Variants in PTPRS observed in about 807,000 individuals in gnomAD.
The protein encoded by PTPRS is receptor-type tyrosine-protein phosphatase S.
Under a neutral mutation model 215.3 loss-of-function variants are expected in PTPRS, and 63 were observed. The ratio of observed to expected loss-of-function variants is 0.29; its 90% CI spans 0.24 to 0.36. PTPRS has a LOEUF of 0.36. PTPRS is among the 10% of genes least tolerant of loss of function. The probability of loss-of-function intolerance (pLI) is 1.00; values close to 1 mark genes in which losing one functional copy is unlikely to be tolerated. For synonymous variants in PTPRS, 1,404 were observed against 1,191.4 expected (o/e 1.18, Z -3.68); for missense variants, 2,258 against 2,825.8 (o/e 0.80, Z 4.56).
At chr19:5,215,755 C>G (rs1345178903) in intron 26 of PTPRS, among the ~76,000 whole-genome samples, 160 bp from the exon 27 acceptor site, 1 of 152,038 alleles carries the variant, frequency 6.6e-6, no homozygotes, top group Non-Finnish European at 1.5e-5. Context: ...CTCAGGGTGG[C>G]TCATGAAGGG....
chr19:5,338,924 G>A lies in PTPRS; in HGVS notation c.-95+1740C>T, dbSNP rs2050595084. ...CTGCACCCCAAGGACAGCAGCGATAGGGGGCCACCCAGAGGAGGCCAGAAT... is the reference window on the plus strand; with the variant it reads ...CTGCACCCCAAGGACAGCAGCGATAAGGGGCCACCCAGAGGAGGCCAGAAT... On this transcript the variant is annotated intron_variant, in intron 1 of 37. Transcript: ENST00000262963. The surrounding 1 kb of genome is among the most constrained non-coding windows in gnomAD (Gnocchi z 4.2). Among the ~76,000 whole-genome samples, 1 of 152,204 alleles carries A rather than the reference G, an allele frequency of 6.6e-6. No homozygotes were observed. The highest frequency in any genetic ancestry group is 6.5e-5 in the Admixed American group (1 of 15,280).
At chr19:5,239,364 G>A (rs1297734712) in intron 12 of PTPRS, among the ~76,000 whole-genome samples, 1 of 151,412 alleles carries the variant, frequency 6.6e-6, no homozygotes, top group Non-Finnish European at 1.5e-5. Flanking sequence ...GAGACAGAGG[G>A]ACACAGAGAC....
chr19:5,239,287 A>G (rs1010492892), intron 12 of PTPRS, among the ~76,000 whole-genome samples: 1 of 151,814 alleles, frequency 6.6e-6, no homozygotes, highest in Non-Finnish European at 1.5e-5. Flanking sequence ...ACAGACAGAA[A>G]AAGAGGGTAC....
At chr19:5,240,636 G>A (rs955343446) in intron 11 of PTPRS, among the ~76,000 whole-genome samples, 3 of 151,728 alleles carry the variant, frequency 2.0e-5, no homozygotes, top group Admixed American at 6.6e-5. Flanking sequence ...TCAGGAGATC[G>A]AGACCATCCT....
chr19:5,232,829 C>A (rs1385736713), intron 13 of PTPRS, among the ~76,000 whole-genome samples: 7 of 151,540 alleles, frequency 4.6e-5, no homozygotes, highest in Admixed American at 4.6e-4. Flanking sequence ...CAAACACTTA[C>A]TATGTGCCAG....
At chr19:5,233,537 T>C (rs2043185753) in intron 13 of PTPRS, among the ~76,000 whole-genome samples, 2 of 151,180 alleles carry the variant, frequency 1.3e-5, no homozygotes, top group South Asian at 2.1e-4. Context: ...ATCTATTTAC[T>C]GAATATCTAG....
chr19:5,238,221 A>G (rs888033337), intron 13 of PTPRS, among the ~76,000 whole-genome samples: 1 of 152,068 alleles, frequency 6.6e-6, no homozygotes, highest in African/African-American at 2.4e-5. Flanking sequence ...AGTCAGGGAG[A>G]GAGGGTGGCG....
intron 6 of PTPRS, among the ~76,000 whole-genome samples, chr19:5,261,967 T>C (rs2046029157): frequency 1.3e-5 from 2 of 152,060 alleles, no homozygotes; most frequent in Non-Finnish European, 2.9e-5. Flanking sequence ...ATGGTGGAAG[T>C]CAGGGTTAAA....
rs370322083 is a variant in PTPRS at position 5,212,360 on chromosome 19, G to A, written c.4746C>T (p.Ala1582=). 92 of 1,611,320 alleles carry A rather than the reference G, an allele frequency of 5.7e-5. No individual in the cohort carries two copies. The highest frequency in any genetic ancestry group is 1.6e-4 in the Middle Eastern group (1 of 6,078). ...ACCTGCAGTGAACCACGATGGGGCC[G>A]GCATCTGGCGGGTTGCAGGTCTTGA... is the stretch of plus-strand genomic sequence containing the variant. ...RRVKTCNPPD[A]GPIVVHCSAG... The change falls in exon 31 of 38, where the codon GCC becomes GCT. Residue 1582 remains alanine (A), a synonymous_variant. Coordinates refer to ENST00000262963, the MANE Select transcript of PTPRS (RefSeq NM_002850.4).
rs561284274 is a variant in PTPRS, at chr19:5,271,501, G to A, written c.379+1941C>T. 1.0e-4 allele frequency among the ~76,000 whole-genome samples: 15 copies of A among 148,054 alleles called. No individual in the cohort carries two copies. In the South Asian group the frequency reaches 1.9e-3, roughly 19 times the overall value. On this transcript the variant is annotated intron_variant, in intron 4 of 37. Coordinates refer to ENST00000262963, the MANE Select transcript of PTPRS (RefSeq NM_002850.4). ...CAACCTCCACCTCCCAGGTTCAAAC[G>A]ATCCTCTCCTGCCTCAGCCTCCCGA...
intron 9 of PTPRS, among the ~76,000 whole-genome samples, chr19:5,248,437 G>C (rs2044706115): frequency 6.6e-6 from 1 of 151,558 alleles, no homozygotes; most frequent in African/African-American, 2.4e-5. Flanking sequence ...ATCGGGGTCT[G>C]AAAGGAGGAG....
intron 2 of PTPRS, among the ~76,000 whole-genome samples, chr19:5,279,363 T>TATTTC (rs1568553710): frequency 6.6e-5 from 10 of 151,606 alleles, no homozygotes; most frequent in African/African-American, 9.7e-5. Flanking sequence ...TATTTTATTT[T>TATTTC]TTCTTCTTCT....
intron 12 of PTPRS, 42 bp downstream of exon 12, chr19:5,240,157 G>A (rs1158542836): frequency 6.8e-7 from 1 of 1,469,230 alleles, no homozygotes. Context: ...GAGCGCCGGG[G>A]AGGAGCCCAG....
intron 1 of PTPRS, among the ~76,000 whole-genome samples, chr19:5,335,256 A>G (rs1294154806): frequency 6.6e-6 from 1 of 152,196 alleles, no homozygotes; most frequent in Non-Finnish European, 1.5e-5. Flanking sequence ...ACGCGTTGAG[A>G]GCCAGGGGAG....
chr19:5,215,792 T>C (rs2041383213), intron 26 of PTPRS, among the ~76,000 whole-genome samples, 197 bp from the exon 27 acceptor site: 1 of 152,032 alleles, frequency 6.6e-6, no homozygotes, highest in Non-Finnish European at 1.5e-5. Flanking sequence ...TAGGGGACTC[T>C]AAAGGCAGCA....
intron 1 of PTPRS, among the ~76,000 whole-genome samples, chr19:5,292,314 C>G (rs1376640370): frequency 6.6e-6 from 1 of 152,280 alleles, no homozygotes; most frequent in East Asian, 1.9e-4. Flanking sequence ...CAATGGAGAC[C>G]GAGACGGGGA....
At chr19:5,215,985 A>G (rs2041404543) in intron 26 of PTPRS, among the ~76,000 whole-genome samples, 1 of 152,112 alleles carries the variant, frequency 6.6e-6, no homozygotes, top group African/African-American at 2.4e-5. Flanking sequence ...CACAGAAATT[A>G]AATTGCAGAC....
At chr19:5,274,454 T>G (rs559711546) in intron 2 of PTPRS, 110 bp from the exon 3 acceptor site, 24 of 1,268,940 alleles carry the variant, frequency 1.9e-5, no homozygotes, top group Non-Finnish European at 2.4e-5. Flanking sequence ...GGAAGTGCCA[T>G]GTGGCCAATG....
chr19:5,218,913 G>T, intron 23 of PTPRS, 115 bp from the exon 24 acceptor site: 1 of 1,122,714 alleles, frequency 8.9e-7, no homozygotes, highest in Non-Finnish European at 1.3e-6. Context: ...ACCTCTGTGA[G>T]CTTTGGTCTC....
Sources: gnomAD v4.1 joint callset for allele counts (sites outside exome capture counted in the v4.1 genomes callset) on GRCh38, gnomAD v4.1.1 for gene constraint, Gnocchi (gnomAD v3.1) non-coding constraint, MANE v1.5 for transcripts, NCBI Gene and HGNC (gene_info 2026-07-23, HGNC 2026-07-21) for gene names.